The following OR51E2 variants were observed in gnomAD, a reference collection of about 807,000 sequenced individuals.
OR51E2 encodes the protein olfactory receptor family 51 subfamily E member 2.
OR51E2 carries 14 observed loss-of-function variants against 13.7 expected under a neutral mutation model. That is an observed-to-expected ratio of 1.02 (90% CI 0.68 to 1.60). The LOEUF (loss-of-function observed/expected upper bound fraction) is 1.60. OR51E2 is among the 40% of genes most tolerant of loss of function. OR51E2 has a pLI of 0.00. For missense variants in OR51E2, 483 were observed against 413.8 expected (o/e 1.17, Z -1.45); for synonymous variants, 180 against 157.6 (o/e 1.14, Z -1.07).
chr11:4,681,582 G>A lies in OR51E2; in HGVS notation c.*167C>T, dbSNP rs1847450945. ...AAATCATGTAATACTTCATTAGTAT[G>A]TATTATTCCACATAATAGTCCTTTA... On this transcript the variant is annotated 3_prime_UTR_variant, in exon 2 of 2. Transcript: ENST00000396950. 6 of 660,012 alleles carry A rather than the reference G, an allele frequency of 9.1e-6. No homozygotes were observed. The highest frequency in any genetic ancestry group is 3.9e-5 in the South Asian group (2 of 51,526). 40.9% of individuals were successfully genotyped at this position (660,012 alleles called of 1,614,324 possible).
At position 4,682,046 on chromosome 11, in the gene OR51E2, T is replaced by C; in HGVS notation, c.666A>G (p.Arg222=). ...FISLSYFLII[R]TVLQLPSKSE... ...ACTTGGAAGGCAGTTGCAGAACCGT[T>C]CGTATTATCAGAAAATAGGACAAGG... Residue 222 remains arginine (R), a synonymous_variant, in exon 2 of 2, where the codon CGA becomes CGG. Coordinates refer to ENST00000396950, the MANE Select transcript of OR51E2 (RefSeq NM_030774.4). 1 of 1,614,224 alleles carries C rather than the reference T, an allele frequency of 6.2e-7. No individual in the cohort carries two copies. Among genetic ancestry groups the C allele is most frequent in the Non-Finnish European group, 8.5e-7 (1 of 1,180,042 alleles).
chr11:4,696,647 G>C (rs1847659819), intron 1 of OR51E2, among the ~76,000 whole-genome samples: 2 of 152,106 alleles, frequency 1.3e-5, no homozygotes, highest in South Asian at 4.1e-4. Flanking sequence ...CTTTTGTGCT[G>C]CCTTCACTCT....
chr11:4,686,755 C>G (rs1857782), intron 1 of OR51E2, among the ~76,000 whole-genome samples: 16,446 of 152,200 alleles, frequency 0.11, 901 homozygotes, highest in Middle Eastern at 0.13. Flanking sequence ...CATGTGACTA[C>G]TAGTGCTCTG....
Position 4,681,203 on chromosome 11 carries a change from T to G in OR51E2, c.*546A>C, listed in dbSNP as rs12575231. 8,767 of 156,228 alleles carry G rather than the reference T, an allele frequency of 0.056. 426 individuals carry two copies. The highest frequency in any genetic ancestry group is 0.19 in the East Asian group (992 of 5,252). The allele number at this position is 156,228 out of a possible 1,614,324, so 9.7% of individuals were successfully genotyped here. ...TGTCTCTACTAAAAAATACAGAAAA[T>G]TAGCCAGTCATGGTGGCACGTTCCT... On this transcript the variant is annotated 3_prime_UTR_variant, in exon 2 of 2. Transcript: ENST00000396950.
chr11:4,696,029 G>A (rs574911778), intron 1 of OR51E2, among the ~76,000 whole-genome samples: 5 of 152,142 alleles, frequency 3.3e-5, no homozygotes, highest in Admixed American at 2.6e-4. Flanking sequence ...TTAACGCTGT[G>A]GCAAAGTTTC....
Position 4,682,505 on chromosome 11 carries a change from G to A in OR51E2, c.207C>T (p.Asp69=). 6.2e-7 allele frequency: 1 copy of A among 1,614,194 alleles called. No individual in the cohort carries two copies. Among genetic ancestry groups the A allele is most frequent in the Non-Finnish European group, 8.5e-7 (1 of 1,180,038 alleles). Residue 69 remains aspartate, a synonymous_variant, in exon 2 of 2, where the codon GAC becomes GAT. Coordinates refer to ENST00000396950, the MANE Select transcript of OR51E2 (RefSeq NM_030774.4). ...YLFLCMLAAI[D]LALSTSTMPK... ...GCATGGTGGATGTGGATAAGGCCAG[G>A]TCAATGGCTGCAAGCATGCAGAGAA...
At chr11:4,689,057 T>C (rs1505193) in intron 1 of OR51E2, among the ~76,000 whole-genome samples, 124,483 of 152,134 alleles carry the variant, frequency 0.82, 51,512 homozygotes, top group South Asian at 0.92. Context: ...TTAATTTGGA[T>C]TTTGTCAGCA....
rs1847504834 is a variant in OR51E2 at position 4,685,522 on chromosome 11, G to C, written c.-50-2761C>G. Among the ~76,000 whole-genome samples the C allele has an allele frequency of 7.2e-5, 11 of 152,090 alleles. No individual in the cohort carries two copies. In the South Asian group the frequency reaches 2.1e-3, roughly 29 times the overall value. ...TATAGTTCCATAATTCAAAATAGGG[G>C]CATGCAATTCTCCATATCTTTCCCT... On this transcript the variant is annotated intron_variant, in intron 1 of 1. Coordinates refer to ENST00000396950, the MANE Select transcript of OR51E2 (RefSeq NM_030774.4).
chr11:4,688,533 A>G (rs1294797553), intron 1 of OR51E2, among the ~76,000 whole-genome samples: 3 of 152,214 alleles, frequency 2.0e-5, no homozygotes, highest in Non-Finnish European at 4.4e-5. Context: ...ATATGCTTTT[A>G]TAGTGACTGT....
chr11:4,688,695 T>C (rs1847542961), intron 1 of OR51E2, among the ~76,000 whole-genome samples: 1 of 152,150 alleles, frequency 6.6e-6, no homozygotes, highest in Non-Finnish European at 1.5e-5. Context: ...GCTGTTATAA[T>C]AATTCAGGTC....
rs552734431 is a variant in OR51E2, at chr11:4,688,843, A to G, written c.-50-6082T>C. Among the ~76,000 whole-genome samples the G allele has an allele frequency of 3.3e-5, 5 of 152,340 alleles. No individual in the cohort carries two copies. In the South Asian group the frequency reaches 1.0e-3, roughly 32 times the overall value. ...AGGTTAGATGTAGCATCGGGGTGAT[A>G]GAAAGGCATCAGGGATAACTCCAAG... On this transcript the variant is annotated intron_variant, in intron 1 of 1. Coordinates refer to ENST00000396950, the MANE Select transcript of OR51E2 (RefSeq NM_030774.4).
intron 1 of OR51E2, among the ~76,000 whole-genome samples, chr11:4,696,058 T>C (rs1341262605): frequency 1.3e-5 from 2 of 152,142 alleles, no homozygotes; most frequent in Non-Finnish European, 2.9e-5. Context: ...AGCGTAAAGG[T>C]AGTAATGAGA....
chr11:4,685,653 G>A (rs1847506387), intron 1 of OR51E2: 2 of 152,118 alleles, frequency 1.3e-5, no homozygotes, highest in South Asian at 4.1e-4. Context: ...TTTTGTCCTA[G>A]GTCATATAGT....
At position 4,682,557 on chromosome 11, in the gene OR51E2, C is replaced by T. The variant is rs1341785184; in HGVS notation, c.155G>A (p.Arg52His). Residue 52 changes from arginine (R) to histidine (H), a missense_variant, in exon 2 of 2, where the codon CGC (arginine) becomes CAC (histidine). By Grantham distance (29) the Arg-to-His change is conservative (BLOSUM62 0). Coordinates refer to ENST00000396950, the MANE Select transcript of OR51E2 (RefSeq NM_030774.4). ...CIVVFIVRTE[R>H]SLHAPMYLFL... Reference sequence around the variant, plus strand: ...GAGGTACATCGGAGCGTGCAGGCTGCGTTCCGTCCTTACGATGAAGACCAC... The same window carrying T: ...GAGGTACATCGGAGCGTGCAGGCTGTGTTCCGTCCTTACGATGAAGACCAC... 8 of 1,614,198 alleles carry T rather than the reference C, an allele frequency of 5.0e-6. No homozygotes were observed. Among genetic ancestry groups the T allele is most frequent in the South Asian group, 2.2e-5 (2 of 91,086 alleles).
rs1847464613 is a variant in OR51E2 at position 4,682,341 on chromosome 11, G to A, written c.371C>T (p.Ala124Val). ...AGCATGGCGCAGTGGGTGGCAGATG[G>A]CCACATAACGGTCAAAGGCCATGGC... is the stretch of plus-strand genomic sequence containing the variant. ...LLAMAFDRYV[A>V]ICHPLRHAAV... The change falls in exon 2 of 2, where the codon GCC (alanine) becomes GTC (valine). Residue 124 changes from alanine (A) to valine (V), a missense_variant. By Grantham distance (64) the Ala-to-Val change is moderately conservative. Transcript: ENST00000396950. 6.2e-7 allele frequency: 1 copy of A among 1,614,186 alleles called. No homozygotes were observed. Among genetic ancestry groups the A allele is most frequent in the Non-Finnish European group, 8.5e-7 (1 of 1,180,036 alleles).
At position 4,693,551 on chromosome 11, in the gene OR51E2, C is replaced by T. The variant is rs960833054; in HGVS notation, c.-51+4102G>A. Among the ~76,000 whole-genome samples, 5 of 152,112 alleles carry T rather than the reference C, an allele frequency of 3.3e-5. No individual in the cohort carries two copies. The East Asian group carries it at 9.6e-4, about 29-fold the overall frequency. ...CCTGGCTAACATGGTGAAACCTCGT[C>T]TCTACTAAAAATACAAAAAATTAGC... is the stretch of plus-strand genomic sequence containing the variant. On this transcript the variant is annotated intron_variant, in intron 1 of 1. Coordinates refer to ENST00000396950, the MANE Select transcript of OR51E2 (RefSeq NM_030774.4).
At position 4,681,350 on chromosome 11, in the gene OR51E2, C is replaced by CAA. The variant is rs754884124; in HGVS notation, c.*397_*398dup. 94 of 134,764 alleles carry CAA rather than the reference C, an allele frequency of 7.0e-4. No individual in the cohort carries two copies. Among genetic ancestry groups the CAA allele is most frequent in the Non-Finnish European group, 1.0e-3 (70 of 69,036 alleles). 8.3% of individuals were successfully genotyped at this position (134,764 alleles called of 1,614,324 possible). A position where few individuals can be genotyped will look rare whatever the true frequency, so the allele number is the denominator to read the frequency against. ...CTGGTGACAGAGCGAGACCCCATCT[C>CAA]AAAAAAAAAAAAAGTTGTATGTGAC... On this transcript the variant is annotated 3_prime_UTR_variant, in exon 2 of 2. Coordinates refer to ENST00000396950, the MANE Select transcript of OR51E2 (RefSeq NM_030774.4).
At chr11:4,686,341 C>T (rs10836470) in intron 1 of OR51E2, among the ~76,000 whole-genome samples, 25,058 of 152,050 alleles carry the variant, frequency 0.16, 2,737 homozygotes, top group East Asian at 0.57. Flanking sequence ...AGAAGAATTA[C>T]GAAGAGTTGT....
intron 1 of OR51E2, among the ~76,000 whole-genome samples, chr11:4,697,152 A>T (rs1304004744): frequency 2.6e-5 from 4 of 152,188 alleles, no homozygotes; most frequent in African/African-American, 9.6e-5. Flanking sequence ...ATCACATACA[A>T]CTGGTGAAAG....
Sources: gnomAD v4.1 joint callset for allele counts (sites outside exome capture counted in the v4.1 genomes callset) on GRCh38, gnomAD v4.1.1 for gene constraint, MANE v1.5 for transcripts, NCBI Gene and HGNC (gene_info 2026-07-23, HGNC 2026-07-21) for gene names.